The following AMDHD2 variants were observed in gnomAD, a reference collection of about 807,000 sequenced individuals.
AMDHD2 encodes the protein amidohydrolase domain containing 2.
A neutral mutation model predicts 41.8 loss-of-function variants in AMDHD2; 24 were observed. The observed-to-expected ratio is 0.57, with a 90% CI of 0.42 to 0.81. AMDHD2 has a LOEUF of 0.81. Ranked by LOEUF, AMDHD2 falls within the 30% of genes least tolerant of loss-of-function variation. The probability of loss-of-function intolerance (pLI) is 0.00; values close to 1 mark genes in which losing one functional copy is unlikely to be tolerated. For missense variants in AMDHD2, 540 were observed against 588.5 expected (o/e 0.92, Z 0.85); for synonymous variants, 332 against 255.5 (o/e 1.30, Z -2.85).
At chr16:2,520,742 G>A in intron 1 of AMDHD2, 27 bp from the exon 2 acceptor site, 1 of 1,528,096 alleles carries the variant, frequency 6.5e-7, no homozygotes, top group Non-Finnish European at 8.8e-7. Context: ...GGCCCGCGAT[G>A]CGAGCGCCCA....
At position 2,527,484 on chromosome 16, in the gene AMDHD2, A is replaced by T. The variant is rs2066018205; in HGVS notation, c.361-77A>T. On this transcript the variant is annotated intron_variant, in intron 3 of 10. Transcript: ENST00000293971. The surrounding 1 kb of genome is among the most constrained non-coding windows in gnomAD (Gnocchi z 6.1). ...GCTGGGCTCTGAACTCTGACCTGAG[A>T]TCTCTGGCCTTGGCTAGGCTGTGGC... The T allele has an allele frequency of 6.6e-7, 1 of 1,513,152 alleles. No homozygotes were observed. The highest frequency in any genetic ancestry group is 9.0e-7 in the Non-Finnish European group (1 of 1,106,508). 93.7% of individuals were successfully genotyped at this position (1,513,152 alleles called of 1,614,324 possible). A position where few individuals can be genotyped will look rare whatever the true frequency, so the allele number is the denominator to read the frequency against.
At chr16:2,524,022 C>G (rs759444037) in intron 3 of AMDHD2, among the ~76,000 whole-genome samples, 1 of 152,228 alleles carries the variant, frequency 6.6e-6, no homozygotes, top group African/African-American at 2.4e-5. Context: ...TCCCAGCATG[C>G]ACTGCAGTGC....
rs767649302 is a variant in AMDHD2 at position 2,530,833 on chromosome 16, G to A, written c.*1270G>A. 16 of 1,613,676 alleles carry A rather than the reference G, an allele frequency of 9.9e-6. No homozygotes were observed. The highest frequency in any genetic ancestry group is 2.2e-5 in the East Asian group (1 of 44,892). On this transcript the variant is annotated 3_prime_UTR_variant, in exon 11 of 11. Coordinates refer to ENST00000293971, the MANE Select transcript of AMDHD2 (RefSeq NM_001330449.2). The stretch of plus-strand genomic sequence containing the variant: ...CCAGGGGCAGCCCAGGAAAGCAGGC[G>A]ACGGATGTGGATCCTGACCTCCTGA...
At chr16:2,521,930 G>A (rs985731508) in intron 3 of AMDHD2, among the ~76,000 whole-genome samples, 2 of 152,006 alleles carry the variant, frequency 1.3e-5, no homozygotes, top group East Asian at 1.9e-4. Flanking sequence ...GACTACAGGT[G>A]CCCGCCACCT....
At chr16:2,523,518 G>T (rs1232336139) in intron 3 of AMDHD2, among the ~76,000 whole-genome samples, 1 of 152,134 alleles carries the variant, frequency 6.6e-6, no homozygotes, top group African/African-American at 2.4e-5. Context: ...GAGGATGAAG[G>T]CAGCGTGCAT....
In AMDHD2 at chr16:2,528,460, C is replaced by G. The variant is rs755545549; in HGVS notation, c.871C>G (p.Leu291Val). Reference sequence around the variant, plus strand: ...AGCCTCTTCTCCCCCAGGGCTGGTGCTGGTCACCGATGCCATCCCTGCCTT... The same window carrying G: ...AGCCTCTTCTCCCCCAGGGCTGGTGGTGGTCACCGATGCCATCCCTGCCTT... ...AHRAHPQGLV[L>V]VTDAIPALGL... is the part of the protein sequence containing the mutation. Residue 291 changes from leucine (L) to valine (V), a missense_variant, in exon 8 of 11, where the codon CTG becomes GTG. By Grantham distance (32) the Leu-to-Val change is conservative. Coordinates refer to ENST00000293971, the MANE Select transcript of AMDHD2 (RefSeq NM_001330449.2). 1.9e-6 allele frequency: 3 copies of G among 1,612,838 alleles called. No homozygotes were observed. In the South Asian group the frequency reaches 3.3e-5, roughly 18 times the overall value.
chr16:2,527,973 T>C lies in AMDHD2; in HGVS notation c.616T>C (p.Cys206Arg). 6.2e-7 allele frequency: 1 copy of C among 1,605,030 alleles called. No individual in the cohort carries two copies. Residue 206 changes from cysteine to arginine, a missense_variant, in exon 5 of 11, where the codon TGC (cysteine) becomes CGC (arginine). Coordinates refer to ENST00000293971, the MANE Select transcript of AMDHD2 (RefSeq NM_001330449.2). This position sits in a 1 kb window ranked among gnomAD's most constrained non-coding sequence, Gnocchi z 6.1. ...CCGGGCGCTGACGGCCCGTGGCATCTGCGTGTCCCTAGGTGAGGGGCCGGC... is the reference window on the plus strand; with the variant it reads ...CCGGGCGCTGACGGCCCGTGGCATCCGCGTGTCCCTAGGTGAGGGGCCGGC... Reference protein sequence around the residue: ...VIRALTARGICVSLGHSVADL... With the variant: ...VIRALTARGIRVSLGHSVADL...
chr16:2,524,548 C>A (rs1377571495), intron 3 of AMDHD2, among the ~76,000 whole-genome samples: 1 of 152,224 alleles, frequency 6.6e-6, no homozygotes, highest in Non-Finnish European at 1.5e-5. Flanking sequence ...TTCTAAAACT[C>A]CATTCTGGAA....
chr16:2,521,021 C>T lies in AMDHD2; in HGVS notation c.258C>T (p.Asp86=), dbSNP rs761601506. ...FGVDFSQATE[D]VGSGVALVAR... ...TTGACTTCTCTCAAGCCACGGAGGA[C>T]GTGGGTTCGGGGGTTGCCCTCGTGG... The change falls in exon 3 of 11, where the codon GAC becomes GAT. Residue 86 remains aspartate, a synonymous_variant. Transcript: ENST00000293971. The T allele has an allele frequency of 6.2e-7, 1 of 1,610,668 alleles. No homozygotes were observed. Among genetic ancestry groups the T allele is most frequent in the South Asian group, 1.1e-5 (1 of 90,464 alleles).
At position 2,528,274 on chromosome 16, in the gene AMDHD2, C is replaced by T; in HGVS notation, c.756C>T (p.Thr252=). ...HRDPGIVGLL[T]SDRLPAGRCI... is the part of the protein sequence containing the mutation. Reference sequence around the variant, plus strand: ...ACCCAGGCATCGTGGGGCTCCTGACCAGCGACCGGCTGCCCGCAGGCCGCT... The same window carrying T: ...ACCCAGGCATCGTGGGGCTCCTGACTAGCGACCGGCTGCCCGCAGGCCGCT... Residue 252 remains threonine (T), a synonymous_variant, in exon 7 of 11, where the codon ACC becomes ACT. Coordinates refer to ENST00000293971, the MANE Select transcript of AMDHD2 (RefSeq NM_001330449.2). 6.2e-7 allele frequency: 1 copy of T among 1,612,482 alleles called. No individual in the cohort carries two copies. Among genetic ancestry groups the T allele is most frequent in the African/African-American group, 1.3e-5 (1 of 75,038 alleles).
Position 2,530,810 on chromosome 16 carries a change from A to G in AMDHD2, c.*1247A>G, listed in dbSNP as rs1011005781. 8.1e-6 allele frequency: 13 copies of G among 1,613,618 alleles called. No individual in the cohort carries two copies. In the Admixed American group the frequency reaches 8.3e-5, roughly 10 times the overall value. On this transcript the variant is annotated 3_prime_UTR_variant, in exon 11 of 11. Coordinates refer to ENST00000293971, the MANE Select transcript of AMDHD2 (RefSeq NM_001330449.2). ...GGGTTGATCTCAGCCCACAAGCCCC[A>G]GGGGCAGCCCAGGAAAGCAGGCGAC... is the stretch of plus-strand genomic sequence containing the variant.
At position 2,530,375 on chromosome 16, in the gene AMDHD2, C is replaced by T; in HGVS notation, c.*812C>T. ...TGCCATCTTCTGTGTCCCCTTGGCC[C>T]TGGCACACACCCATGTGGCAAACAC... On this transcript the variant is annotated 3_prime_UTR_variant, in exon 11 of 11. Transcript: ENST00000293971. 15 of 1,614,214 alleles carry T rather than the reference C, an allele frequency of 9.3e-6. No individual in the cohort carries two copies. Among genetic ancestry groups the T allele is most frequent in the Non-Finnish European group, 1.3e-5 (15 of 1,180,026 alleles).
intron 3 of AMDHD2, among the ~76,000 whole-genome samples, chr16:2,525,277 C>T (rs150609605): frequency 2.0e-5 from 3 of 151,662 alleles, no homozygotes; most frequent in South Asian, 2.1e-4. Flanking sequence ...AGGCTGGTCT[C>T]GAACTCCTGA....
At chr16:2,526,024 G>T (rs941300558) in intron 3 of AMDHD2, among the ~76,000 whole-genome samples, 1 of 152,194 alleles carries the variant, frequency 6.6e-6, no homozygotes, top group Non-Finnish European at 1.5e-5. Flanking sequence ...AGGGACAGAA[G>T]ACCTCTTATT....
rs1429550187 is a variant in AMDHD2, at chr16:2,530,508, A to G, written c.*945A>G. 2 of 1,614,112 alleles carry G rather than the reference A, an allele frequency of 1.2e-6. No individual in the cohort carries two copies. The highest frequency in any genetic ancestry group is 2.2e-5 in the South Asian group (2 of 91,084). ...AGACGTCAGGGATTGGTGCAGCCCC[A>G]CGTCAGGGGTGATTGTCTTGACTTT... On this transcript the variant is annotated 3_prime_UTR_variant, in exon 11 of 11. Coordinates refer to ENST00000293971, the MANE Select transcript of AMDHD2 (RefSeq NM_001330449.2).
intron 3 of AMDHD2, among the ~76,000 whole-genome samples, chr16:2,521,938 C>T (rs1184600901): frequency 6.6e-6 from 1 of 152,108 alleles, no homozygotes; most frequent in African/African-American, 2.4e-5. Flanking sequence ...GTGCCCGCCA[C>T]CTCGCCCGGC....
Position 2,527,773 on chromosome 16 carries a change from G to A in AMDHD2, c.416G>A (p.Gly139Glu), listed in dbSNP as rs756698659. The change falls in exon 5 of 11, where the codon GGG becomes GAG. Residue 139 changes from glycine to glutamate, a missense_variant and splice_region_variant. Coordinates refer to ENST00000293971, the MANE Select transcript of AMDHD2 (RefSeq NM_001330449.2). The surrounding 1 kb of genome is among the most constrained non-coding windows in gnomAD (Gnocchi z 6.1). ...GGAGCCACTTGCTCCCTCCTCCCAG[G>A]GCTGCACCTGGAGGGCCCCTTCATC... Reference protein sequence around the residue: ...SGGPHGAGVLGLHLEGPFISR... With the variant: ...SGGPHGAGVLELHLEGPFISR... 1.3e-6 allele frequency: 2 copies of A among 1,574,726 alleles called. No individual in the cohort carries two copies. Among genetic ancestry groups the A allele is most frequent in the South Asian group, 2.3e-5 (2 of 87,438 alleles).
At chr16:2,521,650 A>G (rs1306455848) in intron 3 of AMDHD2, among the ~76,000 whole-genome samples, 4 of 151,202 alleles carry the variant, frequency 2.6e-5, no homozygotes, top group African/African-American at 9.7e-5. Context: ...ATTTTTACTT[A>G]GGTTCTACAG....
At chr16:2,528,617 AC>A in intron 8 of AMDHD2, 32 bp from the exon 9 acceptor site, 2 of 1,612,482 alleles carry the variant, frequency 1.2e-6, no homozygotes, top group East Asian at 2.2e-5. Context: ...GTGGCCCACG[AC>A]CCCCCCAGAG....
Sources: allele counts gnomAD v4.1 joint callset (sites outside exome capture counted in the v4.1 genomes callset), GRCh38; gene constraint gnomAD v4.1.1; non-coding constraint Gnocchi (gnomAD v3.1); transcripts MANE v1.5; gene names NCBI Gene and HGNC (gene_info 2026-07-23, HGNC 2026-07-21).